FGD4: variants seen among roughly 807,000 people sequenced by gnomAD.
FGD4 encodes FYVE, RhoGEF and PH domain containing 4.
In FGD4, 42 loss-of-function variants were observed where a neutral mutation model predicts 102.0. That is an observed-to-expected ratio of 0.41 (90% CI 0.32 to 0.53). FGD4 has a LOEUF of 0.53. FGD4 is among the 20% of genes least tolerant of loss of function. The probability of loss-of-function intolerance (pLI) is 0.21; values close to 1 mark genes in which losing one functional copy is unlikely to be tolerated. For missense variants in FGD4, 902 were observed against 1,078.2 expected, an observed-to-expected ratio of 0.84 and a Z score of 2.29; for synonymous variants, 380 against 375.7, an observed-to-expected ratio of 1.01 and a Z score of -0.13.
chr12:32,523,926 T>C (rs112526377), intron 1 of FGD4, among the ~76,000 whole-genome samples: 3,284 of 151,278 alleles, frequency 0.022, 83 homozygotes, highest in South Asian at 0.098. Context: ...TGCAGTGAGC[T>C]GAGATCCTGC....
chr12:32,577,802 C>T (rs957303382), intron 3 of FGD4, among the ~76,000 whole-genome samples: 2 of 152,102 alleles, frequency 1.3e-5, no homozygotes, highest in African/African-American at 4.8e-5. Context: ...AGAGTGACCC[C>T]TCATGTTTGC....
intron 4 of FGD4, among the ~76,000 whole-genome samples, chr12:32,593,808 T>C (rs1733710095): frequency 6.6e-6 from 1 of 152,202 alleles, no homozygotes; most frequent in African/African-American, 2.4e-5. Context: ...ACATAGGATA[T>C]GAGTGAGTCA....
intron 8 of FGD4, 149 bp from the exon 9 acceptor site, chr12:32,610,627 A>T: frequency 1.5e-6 from 1 of 672,040 alleles, no homozygotes; most frequent in Non-Finnish European, 2.5e-6. Context: ...AATGAACTTT[A>T]GAAAGTATAT....
intron 8 of FGD4, among the ~76,000 whole-genome samples, chr12:32,608,788 A>C (rs12315052): frequency 0.12 from 18,981 of 152,206 alleles, 3,962 homozygotes; most frequent in African/African-American, 0.43. Flanking sequence ...ACAACCTTAA[A>C]ACATTGCTAC....
chr12:32,485,468 A>T, intron 1 of FGD4, among the ~76,000 whole-genome samples: 1 of 134,998 alleles, frequency 7.4e-6, no homozygotes, highest in African/African-American at 2.8e-5. Flanking sequence ...TGAGACAGAG[A>T]CTCGCCCTGT....
rs146413407 is a variant in FGD4, at chr12:32,484,503, T to C, written c.167-79634T>C. Among the ~76,000 whole-genome samples, 136 of 152,342 alleles carry C rather than the reference T, an allele frequency of 8.9e-4. 1 individual carries two copies. The highest frequency in any genetic ancestry group is 3.0e-3 in the African/African-American group (124 of 41,578). On this transcript the variant is annotated intron_variant, in intron 1 of 16. Transcript: ENST00000534526. ...CACATGAAAAGGGACATTTGTGTTA[T>C]GTAAATGTTGAATTTACATCATGAT... is the stretch of plus-strand genomic sequence containing the variant.
chr12:32,485,351 C>T (rs1474024375), intron 1 of FGD4, among the ~76,000 whole-genome samples: 1 of 151,832 alleles, frequency 6.6e-6, no homozygotes, highest in African/African-American at 2.4e-5. Context: ...AGCTTATACA[C>T]AGTTTCACTA....
rs779013950 is a variant in FGD4 at position 32,582,173 on chromosome 12, T to G, written c.717T>G (p.Cys239Trp). The G allele has an allele frequency of 6.2e-7, 1 of 1,614,064 alleles. No individual in the cohort carries two copies. The highest frequency in any genetic ancestry group is 1.7e-5 in the Admixed American group (1 of 60,016). ...GVMAAQNQME[C>W]EEEKAATLSS... Reference sequence around the variant, plus strand: ...TGGCAGCACAAAACCAGATGGAATGTGAGGAGGAGAAAGCTGCCACTCTTA... The same window carrying G: ...TGGCAGCACAAAACCAGATGGAATGGGAGGAGGAGAAAGCTGCCACTCTTA... The change falls in exon 4 of 17, where the codon TGT (cysteine) becomes TGG (tryptophan). Residue 239 changes from cysteine (C) to tryptophan (W), a missense_variant. Physicochemically the swap from Cys to Trp is radical, Grantham distance 215. Transcript: ENST00000534526.
At chr12:32,590,354 A>G (rs1209234625) in intron 4 of FGD4, among the ~76,000 whole-genome samples, 1 of 151,380 alleles carries the variant, frequency 6.6e-6, no homozygotes, top group Admixed American at 6.6e-5. Flanking sequence ...TATGCATATC[A>G]TAAGTGGGTG....
intron 1 of FGD4, among the ~76,000 whole-genome samples, chr12:32,543,012 C>G (rs1319954012): frequency 6.6e-6 from 1 of 152,186 alleles, no homozygotes; most frequent in African/African-American, 2.4e-5. Context: ...CTGAGTCCCA[C>G]AAGACTATCC....
At chr12:32,529,066 A>G (rs959792502) in intron 1 of FGD4, among the ~76,000 whole-genome samples, 1 of 152,226 alleles carries the variant, frequency 6.6e-6, no homozygotes, top group African/African-American at 2.4e-5. Flanking sequence ...TACGTTCAAG[A>G]ATTTCTATGC....
rs369744238 is a variant in FGD4 at position 32,627,776 on chromosome 12, A to G, written c.2172+1997A>G. ...TATAATGAGAAAAACACTGGAAGAG[A>G]AGGGAAGTATTTACATCAGAGAGTT... On this transcript the variant is annotated intron_variant, in intron 14 of 16. Coordinates refer to ENST00000534526, the MANE Select transcript of FGD4 (RefSeq NM_001370298.3). Among the ~76,000 whole-genome samples, 3 of 152,282 alleles carry G rather than the reference A, an allele frequency of 2.0e-5. No homozygotes were observed. The South Asian group carries it at 6.2e-4, about 32-fold the overall frequency.
At chr12:32,489,602 G>A (rs904030821) in intron 1 of FGD4, among the ~76,000 whole-genome samples, 1 of 152,162 alleles carries the variant, frequency 6.6e-6, no homozygotes, top group African/African-American at 2.4e-5. Context: ...GAAAGTTTAT[G>A]TATAAAAGGG....
intron 1 of FGD4, among the ~76,000 whole-genome samples, chr12:32,422,143 C>CAA (rs1273373298): frequency 3.5e-4 from 40 of 113,358 alleles, no homozygotes; most frequent in South Asian, 8.2e-4. Flanking sequence ...GACTCTGTCT[C>CAA]AAAAAAAAAA....
In FGD4 at chr12:32,528,367, C is replaced by G. The variant is rs377634397; in HGVS notation, c.167-35770C>G. Among the ~76,000 whole-genome samples the G allele has an allele frequency of 3.9e-5, 6 of 152,260 alleles. 2 individuals are homozygous for G. The highest frequency in any genetic ancestry group is 1.4e-4 in the African/African-American group (6 of 41,540). ...GTTATATAAAATGGCATAGTGTTTG[C>G]ATATAACCTACGCACATCCTCCCTT... is the stretch of plus-strand genomic sequence containing the variant. On this transcript the variant is annotated intron_variant, in intron 1 of 16. Transcript: ENST00000534526.
rs1054457173 is a variant in FGD4, at chr12:32,465,243, G to A, written c.166+65284G>A. On this transcript the variant is annotated intron_variant, in intron 1 of 16. Coordinates refer to ENST00000534526, the MANE Select transcript of FGD4 (RefSeq NM_001370298.3). ...AGCCTTACTGATAACATAAACAGTC[G>A]ATTAATACATATTTTGTATGTTTTA... is the stretch of plus-strand genomic sequence containing the variant. Among the ~76,000 whole-genome samples, 5 of 150,644 alleles carry A rather than the reference G, an allele frequency of 3.3e-5. No individual in the cohort carries two copies. The East Asian group carries it at 5.8e-4, about 17-fold the overall frequency.
chr12:32,459,395 T>C (rs1943037835), intron 1 of FGD4, among the ~76,000 whole-genome samples: 1 of 152,040 alleles, frequency 6.6e-6, no homozygotes, highest in Non-Finnish European at 1.5e-5. Flanking sequence ...GGTCTTGCCA[T>C]GTTGGCCAGG....
rs544427828 is a variant in FGD4 at position 32,582,070 on chromosome 12, C to T, written c.614C>T (p.Ser205Phe). 45 of 1,614,206 alleles carry T rather than the reference C, an allele frequency of 2.8e-5. No individual in the cohort carries two copies. In the East Asian group the frequency reaches 9.8e-4, roughly 35 times the overall value. ...ACCACACCTCAACAAAAACTCCTCT[C>T]CCAGCACTTGCCACAGAGGCAGGGA... Reference protein sequence around the residue: ...LTTTPQQKLLSQHLPQRQGND... With the variant: ...LTTTPQQKLLFQHLPQRQGND... Residue 205 changes from serine (S) to phenylalanine (F), a missense_variant, in exon 4 of 17, where the codon TCC becomes TTC. Physicochemically the swap from Ser to Phe is radical, Grantham distance 155. This residue lies in a region of FGD4 where 443 missense variants were observed against 459.2 expected (regional missense o/e 0.96). Coordinates refer to ENST00000534526, the MANE Select transcript of FGD4 (RefSeq NM_001370298.3).
At chr12:32,531,980 G>A (rs1321258968) in intron 1 of FGD4, among the ~76,000 whole-genome samples, 1 of 152,132 alleles carries the variant, frequency 6.6e-6, no homozygotes, top group Non-Finnish European at 1.5e-5. Context: ...TGCAAACCAT[G>A]TTTTGATTTT....
Sources: allele counts gnomAD v4.1 joint callset (sites outside exome capture counted in the v4.1 genomes callset), GRCh38; gene constraint gnomAD v4.1.1; regional missense constraint gnomAD v4.1.1; transcripts MANE v1.5; gene names NCBI Gene and HGNC (gene_info 2026-07-23, HGNC 2026-07-21).